Variants in SNW1 observed in about 807,000 individuals in gnomAD.
SNW1 encodes SNW domain-containing protein 1.
In SNW1, 9 loss-of-function variants were observed where a neutral mutation model predicts 75.6. That is an observed-to-expected ratio of 0.12 (90% CI 0.07 to 0.21). SNW1 has a LOEUF of 0.21. SNW1 is among the 10% of genes least tolerant of loss of function. SNW1 has a pLI of 1.00. For missense variants in SNW1, 409 were observed against 670.9 expected (o/e 0.61, Z 4.31); for synonymous variants, 200 against 219.1 (o/e 0.91, Z 0.77).
intron 2 of SNW1, among the ~76,000 whole-genome samples, chr14:77,753,074 AT>A (rs2080820493): frequency 6.6e-6 from 1 of 152,210 alleles, no homozygotes; most frequent in South Asian, 2.1e-4. Flanking sequence ...CATAGCTTTT[AT>A]TTTGAAAACT....
intron 2 of SNW1, among the ~76,000 whole-genome samples, chr14:77,751,823 CACACACACACACACACACACACCACA>C (rs1198478287): frequency 8.2e-6 from 1 of 121,538 alleles, no homozygotes; most frequent in Non-Finnish European, 1.8e-5. Context: ...CACACACACA[CACACACACACACACACACACACCACA>C]CACACACACA....
chr14:77,741,096 CAAA>C (rs60307573), intron 3 of SNW1, among the ~76,000 whole-genome samples: 72 of 87,254 alleles, frequency 8.3e-4, no homozygotes, highest in Middle Eastern at 5.5e-3. Context: ...AAACTGTCTC[CAAA>C]AAAAAAAAAA....
chr14:77,719,915 ACT>A (rs1164059856), intron 12 of SNW1, among the ~76,000 whole-genome samples: 1 of 152,244 alleles, frequency 6.6e-6, no homozygotes, highest in Non-Finnish European at 1.5e-5. Flanking sequence ...TTCCAGTAGA[ACT>A]TACACTTCTG....
At chr14:77,719,306 G>A (rs558325860) in intron 12 of SNW1, among the ~76,000 whole-genome samples, 3 of 152,190 alleles carry the variant, frequency 2.0e-5, no homozygotes, top group Non-Finnish European at 2.9e-5. Context: ...AGATCCCTTT[G>A]CTCAGCTGGT....
chr14:77,751,579 T>C (rs1251797730), intron 2 of SNW1, 99 bp from the exon 3 acceptor site: 2 of 908,600 alleles, frequency 2.2e-6, no homozygotes, highest in Non-Finnish European at 3.2e-6. Context: ...CTTAGTATGC[T>C]AGATGCTAGA....
At chr14:77,733,423 T>C (rs946012377) in intron 8 of SNW1, among the ~76,000 whole-genome samples, 7 of 152,142 alleles carry the variant, frequency 4.6e-5, no homozygotes, top group Non-Finnish European at 2.9e-5. Flanking sequence ...TGATCTGTTA[T>C]ATTCTTAGAA....
intron 8 of SNW1, among the ~76,000 whole-genome samples, chr14:77,734,255 T>C (rs2080651878): frequency 6.6e-6 from 1 of 152,216 alleles, no homozygotes; most frequent in African/African-American, 2.4e-5. Flanking sequence ...TAGTTGAATA[T>C]TAAAGCACTT....
In SNW1 at chr14:77,717,952, C is replaced by T. The variant is rs893534509; in HGVS notation, c.*136G>A. 2.7e-5 allele frequency: 20 copies of T among 735,044 alleles called. No individual in the cohort carries two copies. Among genetic ancestry groups the T allele is most frequent in the Non-Finnish European group, 1.3e-5 (6 of 453,616 alleles). 45.5% of individuals were successfully genotyped at this position (735,044 alleles called of 1,614,324 possible). On this transcript the variant is annotated 3_prime_UTR_variant, in exon 14 of 14. Transcript: ENST00000261531. ...AGAATTTTCTATCCCCCCCATTTCT[C>T]CAGTAATAAAAAGTAGTGCTGGGAT...
chr14:77,736,116 CAG>C lies in SNW1; in HGVS notation c.639-112_639-111del, dbSNP rs1422372856. The C allele has an allele frequency of 3.3e-5, 24 of 726,666 alleles. No homozygotes were observed. The East Asian group carries it at 4.0e-4, about 12-fold the overall frequency. The allele number at this position is 726,666 out of a possible 1,614,324, so 45.0% of individuals were successfully genotyped here. A position where few individuals can be genotyped will look rare whatever the true frequency, so the allele number is the denominator to read the frequency against. On this transcript the variant is annotated intron_variant, in intron 6 of 13. Coordinates refer to ENST00000261531, the MANE Select transcript of SNW1 (RefSeq NM_012245.3). ...TAAAAGTTTCAAACATAGACAAAAA[CAG>C]AGACTGTATAATGATATACATTTAC... is the stretch of plus-strand genomic sequence containing the variant.
At chr14:77,759,259 A>G (rs1318195833) in intron 1 of SNW1, among the ~76,000 whole-genome samples, 1 of 152,236 alleles carries the variant, frequency 6.6e-6, no homozygotes, top group East Asian at 1.9e-4. Context: ...CAGTAATGCC[A>G]GCACTGTGGG....
At chr14:77,722,375 T>C in intron 11 of SNW1, 1 of 354,252 alleles carries the variant, frequency 2.8e-6, no homozygotes, top group Non-Finnish European at 5.6e-6. Flanking sequence ...GAACTGTAAG[T>C]TAAACTACTC....
At position 77,717,987 on chromosome 14, in the gene SNW1, A is replaced by G; in HGVS notation, c.*101T>C. The G allele has an allele frequency of 9.5e-7, 1 of 1,057,406 alleles. No homozygotes were observed. Among genetic ancestry groups the G allele is most frequent in the East Asian group, 2.4e-5 (1 of 41,344 alleles). The allele number at this position is 1,057,406 out of a possible 1,614,324, so 65.5% of individuals were successfully genotyped here. ...AAAGTAGTGCTGGGATCTGGCACCC[A>G]GATTTGGTTTTTATCCTGACCATTT... On this transcript the variant is annotated 3_prime_UTR_variant, in exon 14 of 14. Coordinates refer to ENST00000261531, the MANE Select transcript of SNW1 (RefSeq NM_012245.3).
At chr14:77,740,156 AAAGAGAG>A (rs1438753360) in intron 3 of SNW1, among the ~76,000 whole-genome samples, 4 of 93,304 alleles carry the variant, frequency 4.3e-5, no homozygotes, top group Non-Finnish European at 8.5e-5. Flanking sequence ...AAAAAAAAAA[AAAGAGAG>A]AGATACAGAA....
intron 9 of SNW1, among the ~76,000 whole-genome samples, 179 bp from the exon 10 acceptor site, chr14:77,731,308 G>T (rs1026407805): frequency 5.9e-5 from 9 of 152,210 alleles, no homozygotes; most frequent in Non-Finnish European, 1.3e-4. Context: ...GACACTGCAA[G>T]GTCAGCTTTT....
In SNW1 at chr14:77,726,785, G is replaced by A. The variant is rs570365842; in HGVS notation, c.1034-3508C>T. Among the ~76,000 whole-genome samples the A allele has an allele frequency of 8.6e-5, 13 of 152,026 alleles. No individual in the cohort carries two copies. The South Asian group carries it at 2.7e-3, about 32-fold the overall frequency. On this transcript the variant is annotated intron_variant, in intron 10 of 13. Transcript: ENST00000261531. ...GCTGAGATCATGCCACTGCACTCCA[G>A]CCTGGGTGACAAGAGTGAGACTCCG... is the stretch of plus-strand genomic sequence containing the variant.
chr14:77,737,375 C>T (rs895489187), intron 5 of SNW1, among the ~76,000 whole-genome samples: 6 of 151,960 alleles, frequency 3.9e-5, no homozygotes, highest in African/African-American at 1.5e-4. Context: ...GAAAATAGTA[C>T]CTATTTAGTA....
rs185685123 is a variant in SNW1, at chr14:77,745,026, C to T, written c.331-5965G>A. Among the ~76,000 whole-genome samples, 138 of 152,246 alleles carry T rather than the reference C, an allele frequency of 9.1e-4. 1 individual carries two copies. Among genetic ancestry groups the T allele is most frequent in the Non-Finnish European group, 1.7e-3 (117 of 68,012 alleles). Reference sequence around the variant, plus strand: ...TATTTGCTGAACAAACACTGGTGGACGCCTTATGTGTCAAACTTTCAGGCA... The same window carrying T: ...TATTTGCTGAACAAACACTGGTGGATGCCTTATGTGTCAAACTTTCAGGCA... On this transcript the variant is annotated intron_variant, in intron 3 of 13. Coordinates refer to ENST00000261531, the MANE Select transcript of SNW1 (RefSeq NM_012245.3).
chr14:77,732,730 T>C, intron 8 of SNW1, 129 bp from the exon 9 acceptor site: 1 of 625,608 alleles, frequency 1.6e-6, no homozygotes, highest in South Asian at 1.9e-5. Context: ...AGGGGTGCCA[T>C]CTCGGCTCAC....
chr14:77,746,146 A>G (rs1269881422), intron 3 of SNW1, among the ~76,000 whole-genome samples: 5 of 152,246 alleles, frequency 3.3e-5, no homozygotes, highest in Non-Finnish European at 7.3e-5. Flanking sequence ...CTAGCCAAGA[A>G]AAGTGAGTAA....
Sources: allele counts gnomAD v4.1 joint callset (sites outside exome capture counted in the v4.1 genomes callset), GRCh38; gene constraint gnomAD v4.1.1; transcripts MANE v1.5; gene names NCBI Gene and HGNC (gene_info 2026-07-23, HGNC 2026-07-21).